Variants in PRPSAP2 observed in about 807,000 individuals in gnomAD.
PRPSAP2 encodes the protein phosphoribosyl pyrophosphate synthase-associated protein 2.
Under a neutral mutation model 40.6 loss-of-function variants are expected in PRPSAP2, and 24 were observed. The ratio of observed to expected loss-of-function variants is 0.59; its 90% confidence interval spans 0.43 to 0.83. PRPSAP2 has a LOEUF of 0.83. Ranked by LOEUF, PRPSAP2 falls within the 40% of genes least tolerant of loss-of-function variation. The pLI, the probability that PRPSAP2 is intolerant of heterozygous loss-of-function variation, is 0.00. For synonymous variants in PRPSAP2, 149 were observed against 164.7 expected (o/e 0.90, Z 0.73); for missense variants, 292 against 465.6 (o/e 0.63, Z 3.43).
intron 8 of PRPSAP2, among the ~76,000 whole-genome samples, chr17:18,891,937 A>G (rs1365100330): frequency 1.3e-5 from 2 of 151,982 alleles, no homozygotes; most frequent in African/African-American, 2.4e-5. Context: ...GCTCACTGCA[A>G]CCTCCGCCTC....
At chr17:18,907,208 G>A (rs1229975402) in intron 8 of PRPSAP2, among the ~76,000 whole-genome samples, 4 of 152,070 alleles carry the variant, frequency 2.6e-5, no homozygotes, top group Non-Finnish European at 1.5e-5. Context: ...AGGTGCTGAG[G>A]ATGGAAAAAA....
upstream of PRPSAP2, among the ~76,000 whole-genome samples, chr17:18,857,616 T>G (rs1245052326): frequency 6.6e-6 from 1 of 150,424 alleles, no homozygotes; most frequent in East Asian, 2.0e-4. Context: ...AGATGGGGGT[T>G]TCACCATGTT....
chr17:18,896,068 G>T (rs775066582), intron 8 of PRPSAP2, among the ~76,000 whole-genome samples: 1 of 152,124 alleles, frequency 6.6e-6, no homozygotes, highest in Non-Finnish European at 1.5e-5. Context: ...ACCATGCCCG[G>T]CCCATATTTT....
chr17:18,874,372 A>G (rs920680256), intron 5 of PRPSAP2, among the ~76,000 whole-genome samples: 18 of 152,204 alleles, frequency 1.2e-4, no homozygotes, highest in Non-Finnish European at 1.5e-5. Context: ...TGCATGCTTA[A>G]TTTGTGTATA....
intron 1 of PRPSAP2, among the ~76,000 whole-genome samples, chr17:18,865,136 C>A (rs748363950): frequency 5.9e-5 from 9 of 152,206 alleles, no homozygotes; most frequent in Non-Finnish European, 1.0e-4. Flanking sequence ...TGAGCCACCA[C>A]ATCTGACCAG....
At chr17:18,899,660 C>G (rs1193955956) in intron 8 of PRPSAP2, among the ~76,000 whole-genome samples, 1 of 149,636 alleles carries the variant, frequency 6.7e-6, no homozygotes. Flanking sequence ...TCCCAAGAAG[C>G]TGGGACTACA....
At chr17:18,901,022 C>T (rs915707815) in intron 8 of PRPSAP2, among the ~76,000 whole-genome samples, 1 of 152,144 alleles carries the variant, frequency 6.6e-6, no homozygotes, top group Non-Finnish European at 1.5e-5. Flanking sequence ...GTTTGGGGTG[C>T]CTCATTATAG....
intron 7 of PRPSAP2, among the ~76,000 whole-genome samples, chr17:18,887,103 A>C (rs539926389): frequency 7.9e-5 from 12 of 151,058 alleles, no homozygotes; most frequent in African/African-American, 2.4e-4. Context: ...TACCTGGCTA[A>C]TTTTGTATTT....
chr17:18,892,542 C>T (rs888032720), intron 8 of PRPSAP2, among the ~76,000 whole-genome samples: 1 of 150,510 alleles, frequency 6.6e-6, no homozygotes, highest in Non-Finnish European at 1.5e-5. Context: ...GAAATTCTAC[C>T]TTATCGTGGT....
intron 7 of PRPSAP2, among the ~76,000 whole-genome samples, chr17:18,885,749 G>A (rs766130034): frequency 3.3e-5 from 5 of 152,032 alleles, no homozygotes; most frequent in Non-Finnish European, 4.4e-5. Context: ...CACCACACCC[G>A]GCTAATTTTG....
chr17:18,868,449 TG>T lies in PRPSAP2; in HGVS notation c.172+1122del, dbSNP rs372766430. ...AAGATTGTGCCATTGCACTCCAGCC[TG>T]GGGGGGAACAAGAGCGAGACTTTGT... On this transcript the variant is annotated intron_variant, in intron 4 of 11. Transcript: ENST00000268835. 5.5e-5 allele frequency among the ~76,000 whole-genome samples: 8 copies of T among 145,920 alleles called. No individual in the cohort carries two copies. In the South Asian group the frequency reaches 1.3e-3, roughly 24 times the overall value.
chr17:18,896,718 A>G (rs1342921223), intron 8 of PRPSAP2, among the ~76,000 whole-genome samples: 1 of 149,084 alleles, frequency 6.7e-6, no homozygotes, highest in East Asian at 2.0e-4. Flanking sequence ...GAGTGACTCT[A>G]AGTTTGATCA....
chr17:18,902,924 T>G (rs144267499), intron 8 of PRPSAP2, among the ~76,000 whole-genome samples: 83 of 150,754 alleles, frequency 5.5e-4, no homozygotes, highest in African/African-American at 2.0e-3. Flanking sequence ...CACTCAGTCT[T>G]TACCGAGTAC....
chr17:18,919,439 C>T (rs2041562839), intron 9 of PRPSAP2, among the ~76,000 whole-genome samples: 3 of 151,430 alleles, frequency 2.0e-5, no homozygotes, highest in African/African-American at 7.3e-5. Context: ...ACCCAGGAGG[C>T]AGAGGTTGCA....
chr17:18,908,244 C>A lies in PRPSAP2; in HGVS notation c.585-2859C>A. On this transcript the variant is annotated intron_variant, in intron 8 of 11. Coordinates refer to ENST00000268835, the MANE Select transcript of PRPSAP2 (RefSeq NM_002767.4). Reference sequence around the variant, plus strand: ...CGACGGGAGGCCTTGAAGCCAGTGACGACCCACTCAGCCGAGCTGCCGCTT... The same window carrying A: ...CGACGGGAGGCCTTGAAGCCAGTGAAGACCCACTCAGCCGAGCTGCCGCTT... 2.7e-6 allele frequency: 2 copies of A among 743,916 alleles called. 1 individual carries two copies. The highest frequency in any genetic ancestry group is 2.8e-5 in the South Asian group (2 of 70,902). The allele number at this position is 743,916 out of a possible 1,614,324, so 46.1% of individuals were successfully genotyped here.
At chr17:18,887,220 G>A (rs996107467) in intron 7 of PRPSAP2, among the ~76,000 whole-genome samples, 1 of 151,886 alleles carries the variant, frequency 6.6e-6, no homozygotes, top group Non-Finnish European at 1.5e-5. Context: ...CAAGCGTGAA[G>A]CCACCGTGCC....
intron 9 of PRPSAP2, among the ~76,000 whole-genome samples, chr17:18,916,392 T>C (rs2041317055): frequency 6.6e-6 from 1 of 150,774 alleles, no homozygotes; most frequent in Non-Finnish European, 1.5e-5. Context: ...TTTTTTTTTT[T>C]GAGACGGAAT....
In PRPSAP2 at chr17:18,886,929, C is replaced by CTTTTTTTTT. The variant is rs71155365; in HGVS notation, c.529-2877_529-2869dup. Among the ~76,000 whole-genome samples the CTTTTTTTTT allele has an allele frequency of 1.3e-3, 95 of 75,372 alleles. 1 individual carries two copies. Among genetic ancestry groups the CTTTTTTTTT allele is most frequent in the African/African-American group, 1.4e-3 (26 of 18,516 alleles). The allele number at this position is 75,372 out of a possible 152,430, so 49.4% of individuals were successfully genotyped here. A position where few individuals can be genotyped will look rare whatever the true frequency, so the allele number is the denominator to read the frequency against. Reference sequence around the variant, plus strand: ...CATACATGATAATTTTTCTTTTCTTCTTTTTTTTTTTTTTTTTTTTTTTTG... The same window carrying CTTTTTTTTT: ...CATACATGATAATTTTTCTTTTCTTCTTTTTTTTTTTTTTTTTTTTTTTTTTTTTTTTTG... On this transcript the variant is annotated intron_variant, in intron 7 of 11. Transcript: ENST00000268835.
In PRPSAP2 at chr17:18,877,708, A is replaced by G. The variant is rs1294304091; in HGVS notation, c.250A>G (p.Thr84Ala). ...IIQTVSKDVNTTIMELLIMVY... is the reference protein window; with the variant it reads ...IIQTVSKDVNATIMELLIMVY... ...GTGTCTTTGTTACAGGGACGTGAAC[A>G]CCACCATCATGGAGCTCCTGATCAT... Residue 84 changes from threonine to alanine, a missense_variant, in exon 6 of 12, where the codon ACC (threonine) becomes GCC (alanine). Physicochemically the swap from Thr to Ala is moderately conservative, Grantham distance 58. Around this residue, in one of 2 missense-constraint regions of PRPSAP2, gnomAD observed 241 missense variants for 425.7 expected, o/e 0.57. Transcript: ENST00000268835. 2 of 1,607,436 alleles carry G rather than the reference A, an allele frequency of 1.2e-6. No homozygotes were observed. The highest frequency in any genetic ancestry group is 2.2e-5 in the East Asian group (1 of 44,846).
Sources: allele counts gnomAD v4.1 joint callset (sites outside exome capture counted in the v4.1 genomes callset), GRCh38; gene constraint gnomAD v4.1.1; regional missense constraint gnomAD v4.1.1; transcripts MANE v1.5; gene names NCBI Gene and HGNC (gene_info 2026-07-23, HGNC 2026-07-21).